Variants in ASB3 observed in about 807,000 individuals in gnomAD.
ASB3 encodes the protein ankyrin repeat and SOCS box protein 3.
Under a neutral mutation model 54.5 loss-of-function variants are expected in ASB3, and 41 were observed. That is an observed-to-expected ratio of 0.75 (90% CI 0.59 to 0.98). ASB3 has a LOEUF of 0.98. Ranked by LOEUF, ASB3 falls within the 50% of genes least tolerant of loss-of-function variation. The probability of loss-of-function intolerance (pLI) is 0.00; values close to 1 mark genes in which losing one functional copy is unlikely to be tolerated. For synonymous variants in ASB3, 266 were observed against 221.2 expected (o/e 1.20, Z -1.80); for missense variants, 733 against 620.0 (o/e 1.18, Z -1.94).
chr2:53,759,356 A>C (rs999059435), intron 2 of ASB3, among the ~76,000 whole-genome samples: 3 of 152,232 alleles, frequency 2.0e-5, no homozygotes, highest in African/African-American at 7.2e-5. Flanking sequence ...TTCTGGAGAC[A>C]CTAAGGGAGG....
chr2:53,778,803 T>G (rs1169196824), intron 1 of ASB3, among the ~76,000 whole-genome samples: 1 of 152,228 alleles, frequency 6.6e-6, no homozygotes, highest in Non-Finnish European at 1.5e-5. Context: ...GACCCTTAGG[T>G]TGATTCCGTA....
chr2:53,673,195 CA>C (rs764188007), intron 9 of ASB3, among the ~76,000 whole-genome samples: 8 of 152,158 alleles, frequency 5.3e-5, no homozygotes, highest in Non-Finnish European at 8.8e-5. Flanking sequence ...TACTTATATT[CA>C]GTTAGAGTTT....
At chr2:53,700,144 C>T in intron 8 of ASB3, 127 bp downstream of exon 8, 1 of 1,434,044 alleles carries the variant, frequency 7.0e-7, no homozygotes, top group Non-Finnish European at 9.4e-7. Context: ...AACTCCTTCA[C>T]CCCAATTCAG....
intron 3 of ASB3, among the ~76,000 whole-genome samples, chr2:53,736,466 A>T (rs1370461267): frequency 6.6e-6 from 1 of 152,172 alleles, no homozygotes; most frequent in African/African-American, 2.4e-5. Context: ...TGGGAGGCCG[A>T]GGCAGGCGGA....
rs1022468098 is a variant in ASB3 at position 53,767,768 on chromosome 2, A to G, written c.-13-2183T>C. The G allele has an allele frequency of 5.6e-6, 7 of 1,248,612 alleles. No homozygotes were observed. In the African/African-American group the frequency reaches 1.1e-4, roughly 19 times the overall value. The allele number at this position is 1,248,612 out of a possible 1,614,324, so 77.3% of individuals were successfully genotyped here. On this transcript the variant is annotated intron_variant, in intron 1 of 9. Coordinates refer to ENST00000263634, the MANE Select transcript of ASB3 (RefSeq NM_016115.5). ...AAACTCCCAGTGCGCTTTGCGCCCC[A>G]AGTGGCCATCGCGCCTGCGCCCCGC...
chr2:53,740,367 A>G (rs1671869593), intron 3 of ASB3, among the ~76,000 whole-genome samples: 1 of 152,284 alleles, frequency 6.6e-6, no homozygotes, highest in Non-Finnish European at 1.5e-5. Flanking sequence ...GTTCATACTG[A>G]CATCTGGTGG....
At chr2:53,711,007 G>A (rs747796025) in intron 7 of ASB3, among the ~76,000 whole-genome samples, 6 of 152,008 alleles carry the variant, frequency 3.9e-5, no homozygotes, top group South Asian at 4.2e-4. Flanking sequence ...GCGCACAACC[G>A]TAGTCCCAGC....
intron 5 of ASB3, among the ~76,000 whole-genome samples, chr2:53,727,862 A>T (rs1671093867): frequency 6.6e-6 from 1 of 151,984 alleles, no homozygotes; most frequent in South Asian, 2.1e-4. Context: ...AGTAGTTGGG[A>T]TTACAGGCAC....
At chr2:53,732,597 A>G (rs1671382404) in intron 3 of ASB3, among the ~76,000 whole-genome samples, 1 of 152,206 alleles carries the variant, frequency 6.6e-6, no homozygotes, top group Non-Finnish European at 1.5e-5. Flanking sequence ...TACAATATAG[A>G]TGACAGAAAA....
chr2:53,706,368 G>A (rs1429075427), intron 7 of ASB3, among the ~76,000 whole-genome samples: 2 of 152,064 alleles, frequency 1.3e-5, no homozygotes, highest in African/African-American at 2.4e-5. Context: ...TGCTCTCAAG[G>A]AGCTTACATT....
chr2:53,677,928 G>C (rs965271228), intron 9 of ASB3, among the ~76,000 whole-genome samples: 5 of 151,996 alleles, frequency 3.3e-5, no homozygotes, highest in Admixed American at 2.0e-4. Context: ...ATATTTTCTT[G>C]ATAATTTTAT....
chr2:53,735,617 G>A (rs1044207564), intron 3 of ASB3, among the ~76,000 whole-genome samples: 2 of 151,674 alleles, frequency 1.3e-5, no homozygotes, highest in Admixed American at 1.3e-4. Context: ...AGGTGCTACA[G>A]GTATTGTCTT....
intron 9 of ASB3, among the ~76,000 whole-genome samples, chr2:53,678,821 A>T (rs1361104406): frequency 6.6e-6 from 1 of 152,200 alleles, no homozygotes; most frequent in African/African-American, 2.4e-5. Flanking sequence ...CAATTTTGAA[A>T]ATACAATCTT....
rs1013637796 is a variant in ASB3 at position 53,739,016 on chromosome 2, C to T, written c.356-9446G>A. On this transcript the variant is annotated intron_variant, in intron 3 of 9. Coordinates refer to ENST00000263634, the MANE Select transcript of ASB3 (RefSeq NM_016115.5). ...GAGGGTAGGAACACTGCTTTTCCCACAATGGATCATATAACATAGTATGGA... is the reference window on the plus strand; with the variant it reads ...GAGGGTAGGAACACTGCTTTTCCCATAATGGATCATATAACATAGTATGGA... Among the ~76,000 whole-genome samples, 6 of 152,086 alleles carry T rather than the reference C, an allele frequency of 3.9e-5. 1 individual carries two copies. Among genetic ancestry groups the T allele is most frequent in the Admixed American group, 3.9e-4 (6 of 15,274 alleles).
chr2:53,692,156 G>C (rs1183512050), intron 9 of ASB3, among the ~76,000 whole-genome samples: 1 of 151,748 alleles, frequency 6.6e-6, no homozygotes, highest in East Asian at 1.9e-4. Context: ...AATGTCTACA[G>C]GGGGGGCAAA....
chr2:53,728,950 G>C (rs574707140), intron 4 of ASB3, 103 bp from the exon 5 acceptor site: 4 of 1,336,568 alleles, frequency 3.0e-6, no homozygotes, highest in Non-Finnish European at 4.0e-6. Flanking sequence ...TCTCACTAAA[G>C]GATAACTTGA....
Position 53,670,212 on chromosome 2 carries a change from A to G in ASB3, c.*291T>C, listed in dbSNP as rs768929847. ...GCAAAATAAAGCAGAAAATGATCAA[A>G]ATGATCAGGTAAATAAATATTACAA... On this transcript the variant is annotated 3_prime_UTR_variant, in exon 10 of 10. Transcript: ENST00000263634. 12 of 229,450 alleles carry G rather than the reference A, an allele frequency of 5.2e-5. No homozygotes were observed. Among genetic ancestry groups the G allele is most frequent in the Middle Eastern group, 1.5e-3 (1 of 654 alleles). 14.2% of individuals were successfully genotyped at this position (229,450 alleles called of 1,614,324 possible). A position where few individuals can be genotyped will look rare whatever the true frequency, so the allele number is the denominator to read the frequency against.
At chr2:53,717,417 T>A (rs1215100784) in intron 5 of ASB3, among the ~76,000 whole-genome samples, 2 of 152,118 alleles carry the variant, frequency 1.3e-5, no homozygotes, top group Non-Finnish European at 2.9e-5. Context: ...CACTGCATGA[T>A]AAATAATGCC....
chr2:53,772,881 C>T (rs769402814), intron 1 of ASB3, among the ~76,000 whole-genome samples: 3 of 152,082 alleles, frequency 2.0e-5, no homozygotes, highest in African/African-American at 7.2e-5. Context: ...TCCACCCTCC[C>T]GTAGACCCCA....
Sources: gnomAD v4.1 joint callset for allele counts (sites outside exome capture counted in the v4.1 genomes callset) on GRCh38, gnomAD v4.1.1 for gene constraint, MANE v1.5 for transcripts, NCBI Gene and HGNC (gene_info 2026-07-23, HGNC 2026-07-21) for gene names.